The following XIRP2 variants were observed in gnomAD, a reference collection of about 807,000 sequenced individuals.
The protein encoded by XIRP2 is xin actin-binding repeat-containing protein 2.
XIRP2 carries 236 observed loss-of-function variants against 277.0 expected under a neutral mutation model. The ratio of observed to expected loss-of-function variants is 0.85; its 90% CI spans 0.77 to 0.95. The LOEUF is 0.95. XIRP2 is among the 40% of genes least tolerant of loss of function. XIRP2 has a pLI of 0.00. For missense variants in XIRP2, 4,640 were observed against 4,157.5 expected (o/e 1.12, Z -3.19); for synonymous variants, 1,490 against 1,416.5 (o/e 1.05, Z -1.17).
chr2:167,247,065 C>A lies in XIRP2; in HGVS notation c.5673C>A (p.Ile1891=), dbSNP rs374368711. ...RWKESKQPDA[I]PGDIEKAIEC... ...AAGAATCTAAACAGCCTGATGCCAT[C>A]CCTGGTGATATTGAAAAAGCTATTG... Residue 1891 remains isoleucine (I), a synonymous_variant, in exon 9 of 11, where the codon ATC becomes ATA. Coordinates refer to ENST00000409195, the MANE Select transcript of XIRP2 (RefSeq NM_152381.6). 5.5e-5 allele frequency: 89 copies of A among 1,612,440 alleles called. 1 individual carries two copies. The highest frequency in any genetic ancestry group is 1.6e-5 in the Non-Finnish European group (19 of 1,179,532).
At chr2:167,075,972 A>G (rs1184237785) in intron 2 of XIRP2, among the ~76,000 whole-genome samples, 1 of 152,036 alleles carries the variant, frequency 6.6e-6, no homozygotes, top group Admixed American at 6.6e-5. Context: ...CACCCCTCCA[A>G]GCCAAGACTT....
At chr2:167,119,352 C>T (rs1412262274) in intron 2 of XIRP2, among the ~76,000 whole-genome samples, 1 of 152,108 alleles carries the variant, frequency 6.6e-6, no homozygotes, top group East Asian at 1.9e-4. Context: ...TACAGTATCT[C>T]TCAGACAAAT....
intron 1 of XIRP2, among the ~76,000 whole-genome samples, chr2:166,896,326 T>C (rs6737447): frequency 0.21 from 31,617 of 152,110 alleles, 3,981 homozygotes; most frequent in Admixed American, 0.28. Flanking sequence ...GGCATTATTA[T>C]CAGTGGAGAT....
chr2:167,025,772 A>T (rs1384550477), intron 2 of XIRP2, among the ~76,000 whole-genome samples: 1 of 152,034 alleles, frequency 6.6e-6, no homozygotes, highest in Admixed American at 6.6e-5. Flanking sequence ...GTTTTGAGTG[A>T]GTTTCTTAAT....
At chr2:166,893,216 A>G (rs1352203146) in intron 1 of XIRP2, among the ~76,000 whole-genome samples, 1 of 152,104 alleles carries the variant, frequency 6.6e-6, no homozygotes, top group Non-Finnish European at 1.5e-5. Flanking sequence ...AAAATATTCC[A>G]GAAAAATCCA....
At chr2:167,139,323 G>GT (rs2105321624) in intron 3 of XIRP2, among the ~76,000 whole-genome samples, 1 of 152,060 alleles carries the variant, frequency 6.6e-6, no homozygotes, top group African/African-American at 2.4e-5. Context: ...ATGACTTGGA[G>GT]TTTTTTAATA....
chr2:167,084,693 T>C (rs1689870055), intron 2 of XIRP2, among the ~76,000 whole-genome samples: 1 of 152,134 alleles, frequency 6.6e-6, no homozygotes, highest in Non-Finnish European at 1.5e-5. Context: ...TTGAGGAATT[T>C]ATCCATTTCT....
chr2:167,027,645 T>G (rs1033074912), intron 2 of XIRP2, among the ~76,000 whole-genome samples: 9 of 152,066 alleles, frequency 5.9e-5, no homozygotes, highest in Admixed American at 3.3e-4. Flanking sequence ...TTTTATCTAC[T>G]TTTGGTCTTT....
chr2:166,903,940 T>C lies in XIRP2; in HGVS notation c.408+50T>C, dbSNP rs180829652. The C allele has an allele frequency of 5.1e-5, 80 of 1,556,034 alleles. No homozygotes were observed. The African/African-American group carries it at 1.0e-3, about 20-fold the overall frequency. ...TATGTTTACATATGACTTCCTTGCC[T>C]AGCCTACCATTTATTACTAAGCATG... On this transcript the variant is annotated intron_variant, in intron 2 of 10. Coordinates refer to ENST00000409195, the MANE Select transcript of XIRP2 (RefSeq NM_152381.6).
At chr2:167,157,108 A>G (rs1692225261) in intron 3 of XIRP2, among the ~76,000 whole-genome samples, 1 of 152,174 alleles carries the variant, frequency 6.6e-6, no homozygotes. Context: ...AACAAAATGC[A>G]TTGAGTGCAC....
At position 167,244,371 on chromosome 2, in the gene XIRP2, T is replaced by C; in HGVS notation, c.2979T>C (p.Asp993=). The C allele has an allele frequency of 1.9e-6, 3 of 1,613,436 alleles. No individual in the cohort carries two copies. Among genetic ancestry groups the C allele is most frequent in the South Asian group, 2.2e-5 (2 of 90,944 alleles). The change falls in exon 9 of 11, where the codon GAT becomes GAC. Residue 993 remains aspartate, a synonymous_variant. Transcript: ENST00000409195. ...CAACACCACTGTATGCCATTCAAGA[T>C]CCCCTTGGAAAATATCATCAAGTAA... The part of the protein sequence containing the change: ...FETTPLYAIQ[D]PLGKYHQVKT...
At chr2:167,068,613 T>A (rs1309697722) in intron 2 of XIRP2, among the ~76,000 whole-genome samples, 1 of 152,018 alleles carries the variant, frequency 6.6e-6, no homozygotes, top group Non-Finnish European at 1.5e-5. Flanking sequence ...TTTGCTTTTT[T>A]TTTTCCTTTT....
At chr2:167,044,232 G>A (rs765010224) in intron 2 of XIRP2, among the ~76,000 whole-genome samples, 2 of 152,018 alleles carry the variant, frequency 1.3e-5, no homozygotes, top group Non-Finnish European at 2.9e-5. Context: ...ATCACTTCAT[G>A]TTAAGAACTC....
chr2:167,116,352 C>T (rs549147864), intron 2 of XIRP2, among the ~76,000 whole-genome samples: 31 of 152,190 alleles, frequency 2.0e-4, no homozygotes, highest in African/African-American at 7.2e-4. Context: ...GATTGAAATG[C>T]CTTTTGATCG....
intron 4 of XIRP2, among the ~76,000 whole-genome samples, chr2:167,213,463 G>T (rs1694117384): frequency 6.6e-6 from 1 of 152,114 alleles, no homozygotes; most frequent in Non-Finnish European, 1.5e-5. Context: ...AGAACTTGAG[G>T]ACTGTGTAAT....
intron 2 of XIRP2, among the ~76,000 whole-genome samples, chr2:166,907,830 G>A (rs1280102288): frequency 7.5e-6 from 1 of 133,564 alleles, no homozygotes; most frequent in Non-Finnish European, 1.5e-5. Context: ...TGTTCTCATT[G>A]TTCAATTCCC....
At chr2:167,112,613 C>A (rs1268294684) in intron 2 of XIRP2, among the ~76,000 whole-genome samples, 6 of 147,748 alleles carry the variant, frequency 4.1e-5, no homozygotes, top group East Asian at 2.0e-4. Flanking sequence ...ATAAATCTCT[C>A]TCTCTATATA....
chr2:167,152,694 A>G (rs180944290), intron 3 of XIRP2, among the ~76,000 whole-genome samples: 1 of 152,252 alleles, frequency 6.6e-6, no homozygotes, highest in Admixed American at 6.6e-5. Context: ...AATCAGGACC[A>G]GAAAAACAGT....
chr2:167,084,813 C>G (rs971336015), intron 2 of XIRP2, among the ~76,000 whole-genome samples: 21 of 150,530 alleles, frequency 1.4e-4, no homozygotes, highest in African/African-American at 5.1e-4. Context: ...TTTATTGTGT[C>G]TATTTGATTC....
Sources: gnomAD v4.1 joint callset for allele counts (sites outside exome capture counted in the v4.1 genomes callset) on GRCh38, gnomAD v4.1.1 for gene constraint, MANE v1.5 for transcripts, NCBI Gene and HGNC (gene_info 2026-07-23, HGNC 2026-07-21) for gene names.